GIT1: variants seen among roughly 807,000 people sequenced by gnomAD.
GIT1 encodes the protein GIT ArfGAP 1.
A neutral mutation model predicts 91.7 loss-of-function variants in GIT1; 14 were observed. That is an observed-to-expected ratio of 0.15 (90% CI 0.10 to 0.24). The LOEUF is 0.24. Ranked by LOEUF, GIT1 falls within the 10% of genes least tolerant of loss-of-function variation. The probability of loss-of-function intolerance (pLI) is 1.00; values close to 1 mark genes in which losing one functional copy is unlikely to be tolerated. For missense variants in GIT1, 717 were observed against 1,024.9 expected (o/e 0.70, Z 4.10); for synonymous variants, 414 against 418.2 (o/e 0.99, Z 0.12).
chr17:29,587,946 G>A (rs955376020), intron 1 of GIT1, among the ~76,000 whole-genome samples: 7 of 152,172 alleles, frequency 4.6e-5, no homozygotes, highest in Non-Finnish European at 1.0e-4. Context: ...CTCGGGGAAC[G>A]GAGTCACAGT....
chr17:29,581,701 C>G lies in GIT1; in HGVS notation c.718+41G>C. ...CCAGGTCCCACCTGCCCAGCCCCAGCCAGGCCTGTCACAGCCAGGCGCCCC... is the reference window on the plus strand; with the variant it reads ...CCAGGTCCCACCTGCCCAGCCCCAGGCAGGCCTGTCACAGCCAGGCGCCCC... On this transcript the variant is annotated intron_variant, in intron 6 of 19. Coordinates refer to ENST00000225394, the MANE Select transcript of GIT1 (RefSeq NM_014030.4). The surrounding 1 kb of genome is among the most constrained non-coding windows in gnomAD (Gnocchi z 4.8). 1 of 1,521,752 alleles carries G rather than the reference C, an allele frequency of 6.6e-7. No individual in the cohort carries two copies. The highest frequency in any genetic ancestry group is 9.0e-7 in the Non-Finnish European group (1 of 1,105,770). 94.3% of individuals were successfully genotyped at this position (1,521,752 alleles called of 1,614,324 possible).
At position 29,576,297 on chromosome 17, in the gene GIT1, G is replaced by C. The variant is rs781016786; in HGVS notation, c.1534C>G (p.Pro512Ala). Residue 512 changes from proline to alanine, a missense_variant, in exon 14 of 20, where the codon CCT becomes GCT. Around this residue, in one of 3 missense-constraint regions of GIT1, gnomAD observed 312 missense variants for 349.5 expected, o/e 0.89. Transcript: ENST00000225394. ...RDRQAFSMYE[P>A]GSALKPFGGP... ...CCAAAGGGCTTCAGGGCAGAGCCAGGTTCATACATGGAAAAGGCCTGGCGA... is the reference window on the plus strand; with the variant it reads ...CCAAAGGGCTTCAGGGCAGAGCCAGCTTCATACATGGAAAAGGCCTGGCGA... The C allele has an allele frequency of 1.9e-6, 3 of 1,612,828 alleles. No homozygotes were observed. Among genetic ancestry groups the C allele is most frequent in the Non-Finnish European group, 8.5e-7 (1 of 1,179,830 alleles).
chr17:29,575,010 G>T lies in GIT1; in HGVS notation c.2073+69C>A, dbSNP rs747635850. On this transcript the variant is annotated intron_variant, in intron 19 of 19. Coordinates refer to ENST00000225394, the MANE Select transcript of GIT1 (RefSeq NM_014030.4). The surrounding 1 kb of genome is among the most constrained non-coding windows in gnomAD (Gnocchi z 5.5). ...TGTGTCTCCACCCAGGTAGCGATCAGATGGGATTCTCCACGCCTGCCCCAG... is the reference window on the plus strand; with the variant it reads ...TGTGTCTCCACCCAGGTAGCGATCATATGGGATTCTCCACGCCTGCCCCAG... The T allele has an allele frequency of 2.0e-4, 294 of 1,479,572 alleles. 2 individuals are homozygous for T. Among genetic ancestry groups the T allele is most frequent in the Non-Finnish European group, 7.1e-5 (76 of 1,077,454 alleles). 91.7% of individuals were successfully genotyped at this position (1,479,572 alleles called of 1,614,324 possible). A position where few individuals can be genotyped will look rare whatever the true frequency, so the allele number is the denominator to read the frequency against.
At position 29,581,504 on chromosome 17, in the gene GIT1, G is replaced by A; in HGVS notation, c.719-124C>T. On this transcript the variant is annotated intron_variant, in intron 6 of 19. Coordinates refer to ENST00000225394, the MANE Select transcript of GIT1 (RefSeq NM_014030.4). The surrounding 1 kb of genome is among the most constrained non-coding windows in gnomAD (Gnocchi z 4.8). ...GTGTCAGGGGAAAGTGGGGAGGGCA[G>A]GCCACCCCCAAGAATGCTGGGAGCT... 3 of 823,462 alleles carry A rather than the reference G, an allele frequency of 3.6e-6. No homozygotes were observed. In the Admixed American group the frequency reaches 5.7e-5, roughly 16 times the overall value. 51.0% of individuals were successfully genotyped at this position (823,462 alleles called of 1,614,324 possible). A position where few individuals can be genotyped will look rare whatever the true frequency, so the allele number is the denominator to read the frequency against.
chr17:29,575,955 C>T lies in GIT1; in HGVS notation c.1666-57G>A. ...GTGTGCCCCACTGCCCCCCTGCTCA[C>T]CAGCAGTGCAGCAGGGACCAGGTCA... On this transcript the variant is annotated intron_variant, in intron 15 of 19. Transcript: ENST00000225394. The surrounding 1 kb of genome is among the most constrained non-coding windows in gnomAD (Gnocchi z 5.5). 6.6e-7 allele frequency: 1 copy of T among 1,524,180 alleles called. No individual in the cohort carries two copies. Among genetic ancestry groups the T allele is most frequent in the Admixed American group, 1.7e-5 (1 of 58,106 alleles). 94.4% of individuals were successfully genotyped at this position (1,524,180 alleles called of 1,614,324 possible).
chr17:29,581,801 A>T lies in GIT1; in HGVS notation c.659T>A (p.Val220Asp). The T allele has an allele frequency of 6.2e-7, 1 of 1,612,432 alleles. No homozygotes were observed. The highest frequency in any genetic ancestry group is 2.2e-5 in the East Asian group (1 of 44,862). Residue 220 changes from valine to aspartate, a missense_variant, in exon 6 of 20, where the codon GTT becomes GAT. By Grantham distance (152) the Val-to-Asp change is radical. Around this residue, in one of 3 missense-constraint regions of GIT1, gnomAD observed 271 missense variants for 451.6 expected, o/e 0.60. Coordinates refer to ENST00000225394, the MANE Select transcript of GIT1 (RefSeq NM_014030.4). This position sits in a 1 kb window ranked among gnomAD's most constrained non-coding sequence, Gnocchi z 4.8. ...GTCAGTGAGCTCATATTGGCACTCA[A>T]CCAGCCTTTCCGCCAGCTCATGGTG... ...AGHHELAERL[V>D]ECQYELTDRL...
At chr17:29,583,912 A>G in intron 1 of GIT1, 2 of 422,016 alleles carry the variant, frequency 4.7e-6, no homozygotes, top group Non-Finnish European at 8.5e-6. Context: ...CACTGCTACC[A>G]GTCTCTCAGC....
intron 1 of GIT1, among the ~76,000 whole-genome samples, chr17:29,584,861 G>C (rs1019063128): frequency 6.6e-6 from 1 of 152,058 alleles, no homozygotes; most frequent in East Asian, 1.9e-4. Context: ...AGGAGACTCT[G>C]AGTCAGGGGC....
rs371649637 is a variant in GIT1 at position 29,576,819 on chromosome 17, T to G, written c.1227+44A>C. 26 of 1,577,000 alleles carry G rather than the reference T, an allele frequency of 1.6e-5. No individual in the cohort carries two copies. The African/African-American group carries it at 3.1e-4, about 19-fold the overall frequency. ...ACAGAGCTGGGCCTCAGCGAAGGCCTGGGTCAGGGCACAGGGGAGTGGGAA... is the reference window on the plus strand; with the variant it reads ...ACAGAGCTGGGCCTCAGCGAAGGCCGGGGTCAGGGCACAGGGGAGTGGGAA... On this transcript the variant is annotated intron_variant, in intron 12 of 19. Coordinates refer to ENST00000225394, the MANE Select transcript of GIT1 (RefSeq NM_014030.4).
chr17:29,583,471 T>C lies in GIT1; in HGVS notation c.186+12A>G, dbSNP rs1366638272. ...TGAGGGGAAGGAAGAACCACCCGAC[T>C]GAGCCCTGTACCTGCAGCAGCGTGG... On this transcript the variant is annotated intron_variant, in intron 2 of 19. Transcript: ENST00000225394. The C allele has an allele frequency of 6.2e-6, 10 of 1,610,886 alleles. No individual in the cohort carries two copies. The African/African-American group carries it at 1.2e-4, about 19-fold the overall frequency.
chr17:29,575,207 C>T lies in GIT1; in HGVS notation c.2010-65G>A. The T allele has an allele frequency of 6.4e-7, 1 of 1,554,502 alleles. No individual in the cohort carries two copies. Among genetic ancestry groups the T allele is most frequent in the Non-Finnish European group, 8.8e-7 (1 of 1,140,698 alleles). On this transcript the variant is annotated intron_variant, in intron 18 of 19. Coordinates refer to ENST00000225394, the MANE Select transcript of GIT1 (RefSeq NM_014030.4). The surrounding 1 kb of genome is among the most constrained non-coding windows in gnomAD (Gnocchi z 5.5). ...AGGGAGGTTCCCAGGGACAGCAGAACCCAGGGCCCCTCATGCTCTCTGCAA... is the reference window on the plus strand; with the variant it reads ...AGGGAGGTTCCCAGGGACAGCAGAATCCAGGGCCCCTCATGCTCTCTGCAA...
In GIT1 at chr17:29,582,721, C is replaced by T. The variant is rs763868609; in HGVS notation, c.382G>A (p.Val128Ile). ...ACCTTGCTGAGGTCTTTGGCGGTGA[C>T]TCCATCATCGTCCCGGCAGGGAAGC... ...HKLPCRDDDG[V>I]TAKDLSKQLH... is the part of the protein sequence containing the mutation. The change falls in exon 4 of 20, where the codon GTC (valine) becomes ATC (isoleucine). Residue 128 changes from valine to isoleucine, a missense_variant. Transcript: ENST00000225394. 1 of 1,613,356 alleles carries T rather than the reference C, an allele frequency of 6.2e-7. No homozygotes were observed. Among genetic ancestry groups the T allele is most frequent in the Non-Finnish European group, 8.5e-7 (1 of 1,179,676 alleles).
rs776024034 is a variant in GIT1, at chr17:29,574,513, C to T, written c.*189G>A. On this transcript the variant is annotated 3_prime_UTR_variant, in exon 20 of 20. Coordinates refer to ENST00000225394, the MANE Select transcript of GIT1 (RefSeq NM_014030.4). ...GGAATGTGGGGGACAGAAGCTCCTGCCCCCCCACCTCCCCATCCTTAGGGG... is the reference window on the plus strand; with the variant it reads ...GGAATGTGGGGGACAGAAGCTCCTGTCCCCCCACCTCCCCATCCTTAGGGG... The T allele has an allele frequency of 1.6e-6, 1 of 644,790 alleles. No homozygotes were observed. Among genetic ancestry groups the T allele is most frequent in the Non-Finnish European group, 2.8e-6 (1 of 359,680 alleles). The allele number at this position is 644,790 out of a possible 1,614,324, so 39.9% of individuals were successfully genotyped here.
chr17:29,574,869 C>T lies in GIT1; in HGVS notation c.2119G>A (p.Ala707Thr), dbSNP rs758906145. The change falls in exon 20 of 20, where the codon GCC (alanine) becomes ACC (threonine). Residue 707 changes from alanine (A) to threonine (T), a missense_variant. Ala to Thr is a moderately conservative substitution (Grantham distance 58, BLOSUM62 0). Coordinates refer to ENST00000225394, the MANE Select transcript of GIT1 (RefSeq NM_014030.4). The stretch of plus-strand genomic sequence containing the variant: ...TCACTCTGCAGCCGGTAGGCGCTGG[C>T]GTTGAGCAGCCGCAGTGAGCTCCGC... Reference protein sequence around the residue: ...PVRSSLRLLNASAYRLQSECR... With the variant: ...PVRSSLRLLNTSAYRLQSECR... 11 of 1,587,268 alleles carry T rather than the reference C, an allele frequency of 6.9e-6. No individual in the cohort carries two copies. The highest frequency in any genetic ancestry group is 2.3e-5 in the East Asian group (1 of 43,836).
intron 7 of GIT1, 168 bp from the exon 8 acceptor site, chr17:29,578,947 G>T: frequency 6.2e-7 from 1 of 1,612,988 alleles, no homozygotes. Context: ...TGCTGCCCCG[G>T]CAGGCACCAT....
At chr17:29,585,068 G>A (rs1306452499) in intron 1 of GIT1, among the ~76,000 whole-genome samples, 1 of 151,764 alleles carries the variant, frequency 6.6e-6, no homozygotes, top group Non-Finnish European at 1.5e-5. Flanking sequence ...GCAACAGAGG[G>A]ATGCCCAAGG....
chr17:29,583,062 G>A (rs1165338243), intron 2 of GIT1, 25 bp from the exon 3 acceptor site: 10 of 1,446,608 alleles, frequency 6.9e-6, no homozygotes, highest in Non-Finnish European at 9.7e-6. Context: ...TGCCAAGTGA[G>A]AGAGTGCCCA....
In GIT1 at chr17:29,574,697, A is replaced by T. The variant is rs2033122098; in HGVS notation, c.*5T>A. The T allele has an allele frequency of 5.0e-6, 8 of 1,608,380 alleles. No individual in the cohort carries two copies. Among genetic ancestry groups the T allele is most frequent in the Non-Finnish European group, 6.8e-6 (8 of 1,175,798 alleles). On this transcript the variant is annotated 3_prime_UTR_variant, in exon 20 of 20. Coordinates refer to ENST00000225394, the MANE Select transcript of GIT1 (RefSeq NM_014030.4). Reference sequence around the variant, plus strand: ...AGGGTGCAGGTGAGGGTGTGGGGAGAGAGGTCACTGCTTCTTCTCTCGGGT... The same window carrying T: ...AGGGTGCAGGTGAGGGTGTGGGGAGTGAGGTCACTGCTTCTTCTCTCGGGT...
chr17:29,582,219 C>A (rs1163716843), intron 4 of GIT1, 75 bp from the exon 5 acceptor site: 2 of 1,179,854 alleles, frequency 1.7e-6, no homozygotes, highest in South Asian at 1.4e-5. Context: ...TGCACCCTGG[C>A]TGCCCCTGGG....
Sources: gnomAD v4.1 joint callset for allele counts (sites outside exome capture counted in the v4.1 genomes callset) on GRCh38, gnomAD v4.1.1 for gene constraint, gnomAD v4.1.1 regional missense constraint, Gnocchi (gnomAD v3.1) non-coding constraint, MANE v1.5 for transcripts, NCBI Gene and HGNC (gene_info 2026-07-23, HGNC 2026-07-21) for gene names.